Variants in EVI5 observed in about 807,000 individuals in gnomAD.
EVI5 encodes the protein ecotropic viral integration site 5, also known as ecotropic viral integration site 5 protein homolog.
A neutral mutation model predicts 112.0 loss-of-function variants in EVI5; 73 were observed. The ratio of observed to expected loss-of-function variants is 0.65; its 90% confidence interval spans 0.54 to 0.79. The LOEUF (loss-of-function observed/expected upper bound fraction) is 0.79. EVI5 is among the 30% of genes least tolerant of loss of function. The pLI, the probability that EVI5 is intolerant of heterozygous loss-of-function variation, is 0.00. For synonymous variants in EVI5, 305 were observed against 319.9 expected (o/e 0.95, Z 0.50); for missense variants, 900 against 968.8 (o/e 0.93, Z 0.94).
At chr1:92,530,875 T>C (rs1353407595) in intron 19 of EVI5, among the ~76,000 whole-genome samples, 1 of 151,832 alleles carries the variant, frequency 6.6e-6, no homozygotes, top group African/African-American at 2.4e-5. Flanking sequence ...AGAACATCTC[T>C]TTTCCTCCAA....
At chr1:92,725,288 T>C (rs1244640194) in intron 2 of EVI5, among the ~76,000 whole-genome samples, 1 of 152,110 alleles carries the variant, frequency 6.6e-6, no homozygotes, top group Non-Finnish European at 1.5e-5. Context: ...CCAGCCAGAC[T>C]GGAAAAGTTA....
rs181059229 is a variant in EVI5, at chr1:92,624,194, C to T, written c.1809G>A (p.Met603Ile). 1.5e-5 allele frequency: 24 copies of T among 1,613,604 alleles called. No homozygotes were observed. In the East Asian group the frequency reaches 4.9e-4, roughly 33 times the overall value. Residue 603 changes from methionine (M) to isoleucine (I), a missense_variant, in exon 16 of 20, where the codon ATG (methionine) becomes ATA (isoleucine). Met to Ile is a conservative substitution (Grantham distance 10). Coordinates refer to ENST00000684568, the MANE Select transcript of EVI5 (RefSeq NM_001350197.2). ...QAEIREIKQR[M>I]MEMETQNQIN... ...ATCATACCTGTGTTTCCATTTCCATCATCCTTTGTTTTATTTCTCTTATTT... is the reference window on the plus strand; with the variant it reads ...ATCATACCTGTGTTTCCATTTCCATTATCCTTTGTTTTATTTCTCTTATTT...
intron 2 of EVI5, among the ~76,000 whole-genome samples, chr1:92,735,624 AT>A: frequency 7.3e-6 from 1 of 136,912 alleles, no homozygotes; most frequent in African/African-American, 2.7e-5. Context: ...TAATTATATG[AT>A]ATATGATATA....
chr1:92,661,392 C>G (rs1465308116), intron 13 of EVI5, among the ~76,000 whole-genome samples: 1 of 152,028 alleles, frequency 6.6e-6, no homozygotes, highest in Non-Finnish European at 1.5e-5. Context: ...CTTTGATATA[C>G]ATCTATCAAT....
At chr1:92,689,857 T>G (rs375072635) in intron 9 of EVI5, among the ~76,000 whole-genome samples, 36 of 152,278 alleles carry the variant, frequency 2.4e-4, no homozygotes, top group African/African-American at 8.2e-4. Context: ...AACTCTTTTC[T>G]CTGGAAATTG....
At chr1:92,569,852 CAAAAA>C (rs1184172805) in intron 18 of EVI5, among the ~76,000 whole-genome samples, 1 of 39,504 alleles carries the variant, frequency 2.5e-5, no homozygotes. Flanking sequence ...GACTCCATCT[CAAAAA>C]AAAAAAAAAA....
intron 1 of EVI5, among the ~76,000 whole-genome samples, chr1:92,745,349 T>C (rs1036555639): frequency 3.9e-5 from 6 of 152,164 alleles, no homozygotes; most frequent in African/African-American, 1.4e-4. Context: ...TTCACTTCTA[T>C]GGTACTTCTT....
At chr1:92,617,648 C>A (rs1653517811) in intron 16 of EVI5, among the ~76,000 whole-genome samples, 2 of 152,208 alleles carry the variant, frequency 1.3e-5, no homozygotes. Flanking sequence ...CTGGCTACAG[C>A]CACTGCTAAG....
At chr1:92,765,937 A>G (rs1558226756) in intron 1 of EVI5, among the ~76,000 whole-genome samples, 1 of 151,686 alleles carries the variant, frequency 6.6e-6, no homozygotes, top group Non-Finnish European at 1.5e-5. Context: ...AAAACTAGCC[A>G]GGCATGGTGG....
At chr1:92,755,528 G>A (rs773052168) in intron 1 of EVI5, among the ~76,000 whole-genome samples, 9 of 152,202 alleles carry the variant, frequency 5.9e-5, no homozygotes, top group Non-Finnish European at 1.3e-4. Flanking sequence ...CAGCTGTTTA[G>A]AACGACTATT....
At position 92,736,610 on chromosome 1, in the gene EVI5, A is replaced by G; in HGVS notation, c.-64T>C. On this transcript the variant is annotated 5_prime_UTR_variant, in exon 2 of 20. Coordinates refer to ENST00000684568, the MANE Select transcript of EVI5 (RefSeq NM_001350197.2). ...AGAGAGTAGAGCTCAGCTTTTCTGCAACTTTGTCTGTCGCCACCTAAGGAC... is the reference window on the plus strand; with the variant it reads ...AGAGAGTAGAGCTCAGCTTTTCTGCGACTTTGTCTGTCGCCACCTAAGGAC... 1 of 1,613,698 alleles carries G rather than the reference A, an allele frequency of 6.2e-7. No individual in the cohort carries two copies. The highest frequency in any genetic ancestry group is 8.5e-7 in the Non-Finnish European group (1 of 1,179,640).
intron 16 of EVI5, among the ~76,000 whole-genome samples, chr1:92,613,366 T>C (rs1652324782): frequency 6.6e-6 from 1 of 152,048 alleles, no homozygotes; most frequent in Non-Finnish European, 1.5e-5. Flanking sequence ...TGGTGCGACC[T>C]TGGCTCACTG....
At chr1:92,673,128 T>G (rs2102281013) in intron 10 of EVI5, among the ~76,000 whole-genome samples, 1 of 151,532 alleles carries the variant, frequency 6.6e-6, no homozygotes, top group East Asian at 1.9e-4. Flanking sequence ...GCTTCAATTC[T>G]AATACTTCAC....
At chr1:92,618,935 A>G (rs1653860282) in intron 16 of EVI5, among the ~76,000 whole-genome samples, 1 of 152,216 alleles carries the variant, frequency 6.6e-6, no homozygotes, top group Non-Finnish European at 1.5e-5. Flanking sequence ...TATTTGAGTC[A>G]GGGATTGGTG....
intron 13 of EVI5, among the ~76,000 whole-genome samples, chr1:92,650,390 A>G (rs1473948480): frequency 6.6e-6 from 1 of 152,098 alleles, no homozygotes; most frequent in Non-Finnish European, 1.5e-5. Context: ...ACAAGTTTTC[A>G]GAGTACAAGT....
At chr1:92,670,738 T>C (rs1364406987) in intron 10 of EVI5, among the ~76,000 whole-genome samples, 1 of 152,122 alleles carries the variant, frequency 6.6e-6, no homozygotes, top group African/African-American at 2.4e-5. Context: ...CTCCAATCCA[T>C]TGTCTCTCAG....
At chr1:92,639,066 G>A (rs2101937296) in intron 13 of EVI5, among the ~76,000 whole-genome samples, 1 of 152,190 alleles carries the variant, frequency 6.6e-6, no homozygotes, top group East Asian at 1.9e-4. Context: ...AGCAAGGGGA[G>A]CCGTTTATTT....
At chr1:92,569,381 T>A (rs1177745591) in intron 18 of EVI5, among the ~76,000 whole-genome samples, 1 of 152,218 alleles carries the variant, frequency 6.6e-6, no homozygotes, top group African/African-American at 2.4e-5. Flanking sequence ...TACTTTAATA[T>A]TTATTTTAGC....
In EVI5 at chr1:92,665,998, A is replaced by C. The variant is rs1664822171; in HGVS notation, c.1159-6T>G. On this transcript the variant is annotated splice_region_variant and splice_polypyrimidine_tract_variant and intron_variant, in intron 10 of 19. Coordinates refer to ENST00000684568, the MANE Select transcript of EVI5 (RefSeq NM_001350197.2). ...CTATTTTCTGTGCGTAACCTCTGCC[A>C]AGAAAAAAAAAGTTTTATTTGCAAG... is the stretch of plus-strand genomic sequence containing the variant. 6.3e-7 allele frequency: 1 copy of C among 1,587,554 alleles called. No homozygotes were observed.
Sources: allele counts gnomAD v4.1 joint callset (sites outside exome capture counted in the v4.1 genomes callset), GRCh38; gene constraint gnomAD v4.1.1; transcripts MANE v1.5; gene names NCBI Gene and HGNC (gene_info 2026-07-23, HGNC 2026-07-21).